ATRN: variants seen among roughly 807,000 people sequenced by gnomAD.
ATRN encodes the protein attractin-2.
ATRN carries 54 observed loss-of-function variants against 178.7 expected under a neutral mutation model. The ratio of observed to expected loss-of-function variants is 0.30; its 90% confidence interval spans 0.24 to 0.38. ATRN has a LOEUF of 0.38. Ranked by LOEUF, ATRN falls within the 10% of genes least tolerant of loss-of-function variation. The pLI, the probability that ATRN is intolerant of heterozygous loss-of-function variation, is 1.00. For missense variants in ATRN, 1,443 were observed against 1,815.1 expected, an observed-to-expected ratio of 0.79 and a Z score of 3.73; for synonymous variants, 636 against 663.0, an observed-to-expected ratio of 0.96 and a Z score of 0.63.
At chr20:3,557,648 A>G (rs2085896728) in intron 6 of ATRN, among the ~76,000 whole-genome samples, 1 of 152,232 alleles carries the variant, frequency 6.6e-6, no homozygotes, top group Non-Finnish European at 1.5e-5. Flanking sequence ...GCTAAAATTC[A>G]GGACTAAATA....
At chr20:3,512,628 T>C (rs902322382) in intron 1 of ATRN, among the ~76,000 whole-genome samples, 3 of 152,204 alleles carry the variant, frequency 2.0e-5, no homozygotes, top group Non-Finnish European at 4.4e-5. Flanking sequence ...TACCCAGTAA[T>C]GGGATGGCTG....
intron 2 of ATRN, among the ~76,000 whole-genome samples, chr20:3,538,484 ACTG>A (rs2085571991): frequency 6.6e-6 from 1 of 152,106 alleles, no homozygotes; most frequent in Admixed American, 6.5e-5. Flanking sequence ...CATTTTGAGA[ACTG>A]CTGCTCTAAG....
At chr20:3,597,241 CTAGAGAA>C (rs2086544414) in intron 21 of ATRN, among the ~76,000 whole-genome samples, 1 of 151,832 alleles carries the variant, frequency 6.6e-6, no homozygotes, top group African/African-American at 2.4e-5. Flanking sequence ...AAGCCACAGA[CTAGAGAA>C]AATACTCGCA....
In ATRN at chr20:3,632,678, T is replaced by C. The variant is rs1285172584; in HGVS notation, c.3864-1633T>C. Reference sequence around the variant, plus strand: ...CCTGAACCCCTTGCTCTTAGCATCTTTTTATTTCTGTAGCACTTACCTACC... The same window carrying C: ...CCTGAACCCCTTGCTCTTAGCATCTCTTTATTTCTGTAGCACTTACCTACC... On this transcript the variant is annotated intron_variant, in intron 25 of 28. Transcript: ENST00000262919. This position sits in a 1 kb window ranked among gnomAD's most constrained non-coding sequence, Gnocchi z 4.2. 6.6e-6 allele frequency among the ~76,000 whole-genome samples: 1 copy of C among 152,224 alleles called. No homozygotes were observed. The highest frequency in any genetic ancestry group is 1.5e-5 in the Non-Finnish European group (1 of 68,046).
chr20:3,609,133 A>G (rs368401873), intron 24 of ATRN, among the ~76,000 whole-genome samples: 1 of 152,000 alleles, frequency 6.6e-6, no homozygotes, highest in Non-Finnish European at 1.5e-5. Flanking sequence ...TTTTTTCACA[A>G]TATTAATTAT....
chr20:3,636,754 A>G (rs1276968834), intron 26 of ATRN, among the ~76,000 whole-genome samples: 1 of 152,222 alleles, frequency 6.6e-6, no homozygotes, highest in African/African-American at 2.4e-5. Flanking sequence ...TAGTTAACTA[A>G]GAGGCAGACG....
chr20:3,501,880 G>A (rs371586342), intron 1 of ATRN, among the ~76,000 whole-genome samples: 7 of 152,130 alleles, frequency 4.6e-5, no homozygotes, highest in Non-Finnish European at 1.0e-4. Context: ...AAGAAGGGGC[G>A]CTGGAAAATA....
intron 1 of ATRN, among the ~76,000 whole-genome samples, chr20:3,479,019 C>T (rs982323136): frequency 1.3e-5 from 2 of 150,960 alleles, no homozygotes; most frequent in Non-Finnish European, 2.9e-5. Context: ...ACCTCAGCCT[C>T]CCAAGTGGCT....
At chr20:3,517,631 TGTA>T (rs1002340135) in intron 1 of ATRN, among the ~76,000 whole-genome samples, 1 of 149,338 alleles carries the variant, frequency 6.7e-6, no homozygotes, top group Admixed American at 6.7e-5. Context: ...ATTAGCCAGG[TGTA>T]GTGGTGGGCA....
At chr20:3,597,816 A>C (rs1022306290) in intron 21 of ATRN, 90 bp from the exon 22 acceptor site, 1 of 776,292 alleles carries the variant, frequency 1.3e-6, no homozygotes, top group Non-Finnish European at 2.1e-6. Flanking sequence ...CTCGTTACTT[A>C]ATTTATAAGA....
intron 27 of ATRN, among the ~76,000 whole-genome samples, chr20:3,640,623 A>G (rs1326060371): frequency 6.6e-6 from 1 of 152,260 alleles, no homozygotes; most frequent in African/African-American, 2.4e-5. Context: ...GAGAAAAAGT[A>G]TCACATACAA....
chr20:3,624,702 G>T, intron 25 of ATRN, 130 bp downstream of exon 25: 1 of 770,986 alleles, frequency 1.3e-6, no homozygotes, highest in Non-Finnish European at 2.1e-6. Flanking sequence ...TACTTCATAT[G>T]TGTTCCTGAA....
intron 15 of ATRN, 71 bp from the exon 16 acceptor site, chr20:3,582,064 A>T: frequency 2.1e-5 from 28 of 1,342,324 alleles, no homozygotes; most frequent in Non-Finnish European, 2.6e-5. Context: ...ACATGGCAAG[A>T]CTCCATCTCC....
intron 2 of ATRN, among the ~76,000 whole-genome samples, chr20:3,539,132 A>G (rs548387333): frequency 6.6e-6 from 1 of 152,304 alleles, no homozygotes; most frequent in East Asian, 1.9e-4. Flanking sequence ...GATGTTAGAA[A>G]AGTGTGGGGT....
chr20:3,594,245 C>T (rs170975), intron 19 of ATRN, among the ~76,000 whole-genome samples: 114,666 of 152,136 alleles, frequency 0.75, 43,653 homozygotes, highest in East Asian at 1. Flanking sequence ...CTTCAGAAGG[C>T]AGTGGGTACC....
At chr20:3,595,938 A>C (rs995564028) in intron 20 of ATRN, among the ~76,000 whole-genome samples, 1 of 152,230 alleles carries the variant, frequency 6.6e-6, no homozygotes, top group Non-Finnish European at 1.5e-5. Flanking sequence ...GTTTAAAAAA[A>C]CAGTGATTCT....
chr20:3,609,021 G>T (rs148855370), intron 24 of ATRN, among the ~76,000 whole-genome samples: 519 of 150,894 alleles, frequency 3.4e-3, no homozygotes, highest in African/African-American at 0.012. Context: ...GAGGTCTTCT[G>T]TGGTTCCATA....
chr20:3,602,483 A>G (rs1171099058), intron 23 of ATRN, among the ~76,000 whole-genome samples: 1 of 152,238 alleles, frequency 6.6e-6, no homozygotes, highest in Non-Finnish European at 1.5e-5. Flanking sequence ...TTTTAAAATC[A>G]AAAACACAAA....
intron 11 of ATRN, among the ~76,000 whole-genome samples, chr20:3,567,752 G>T (rs2086056864): frequency 6.6e-6 from 1 of 152,140 alleles, no homozygotes; most frequent in Admixed American, 6.6e-5. Flanking sequence ...GAAGGAGGAG[G>T]AGAGATGGCT....
Sources: allele counts gnomAD v4.1 joint callset (sites outside exome capture counted in the v4.1 genomes callset), GRCh38; gene constraint gnomAD v4.1.1; non-coding constraint Gnocchi (gnomAD v3.1); transcripts MANE v1.5; gene names NCBI Gene and HGNC (gene_info 2026-07-23, HGNC 2026-07-21).